ZC2HC1B: variants seen among roughly 807,000 people sequenced by gnomAD.
The protein encoded by ZC2HC1B is zinc finger C2HC-type containing 1B.
A neutral mutation model predicts 31.0 loss-of-function variants in ZC2HC1B; 36 were observed. The ratio of observed to expected loss-of-function variants is 1.16; its 90% CI spans 0.89 to 1.54. The LOEUF (loss-of-function observed/expected upper bound fraction) is 1.54. Among genes scored for constraint, ZC2HC1B ranks in the 40% most tolerant of loss-of-function variants. ZC2HC1B has a pLI of 0.00. For missense variants in ZC2HC1B, 260 were observed against 268.6 expected (o/e 0.97, Z 0.22); for synonymous variants, 73 against 88.0 (o/e 0.83, Z 0.95).
At chr6:143,925,702 A>G (rs1403951015) in intron 6 of ZC2HC1B, among the ~76,000 whole-genome samples, 1 of 151,276 alleles carries the variant, frequency 6.6e-6, no homozygotes, top group Non-Finnish European at 1.5e-5. Context: ...ACACCAGGCT[A>G]ATTTTTTTGT....
chr6:143,900,571 A>G (rs532249496), intron 5 of ZC2HC1B, among the ~76,000 whole-genome samples: 1 of 149,122 alleles, frequency 6.7e-6, no homozygotes, highest in Non-Finnish European at 1.5e-5. Context: ...GTCCTTGATT[A>G]ACAGGTCCTT....
chr6:143,928,317 T>A (rs1196403825), intron 6 of ZC2HC1B, among the ~76,000 whole-genome samples: 2 of 152,188 alleles, frequency 1.3e-5, no homozygotes, highest in Non-Finnish European at 2.9e-5. Flanking sequence ...ATCCAGTTCA[T>A]TCTTTTGCAT....
intron 1 of ZC2HC1B, among the ~76,000 whole-genome samples, chr6:143,877,485 G>A (rs1441601609): frequency 2.0e-5 from 3 of 149,048 alleles, no homozygotes; most frequent in African/African-American, 7.5e-5. Flanking sequence ...GTTTCTCCAT[G>A]TTGGTCAGGC....
rs1443452719 is a variant in ZC2HC1B, at chr6:143,892,445, G to A, written c.349+5624G>A. Among the ~76,000 whole-genome samples, 4 of 151,958 alleles carry A rather than the reference G, an allele frequency of 2.6e-5. 1 individual carries two copies. On this transcript the variant is annotated intron_variant, in intron 4 of 7. Coordinates refer to ENST00000237275, the MANE Select transcript of ZC2HC1B (RefSeq NM_001013623.3). The stretch of plus-strand genomic sequence containing the variant: ...TGAGTAGCTGGGACCACAGATGTAT[G>A]CCACTGTGCCTGGCTAATTTTTTTG...
At chr6:143,874,045 T>A (rs9496789) in intron 1 of ZC2HC1B, among the ~76,000 whole-genome samples, 1 of 152,176 alleles carries the variant, frequency 6.6e-6, no homozygotes, top group African/African-American at 2.4e-5. Context: ...AAATGGAATA[T>A]TTTTAACAGC....
chr6:143,898,259 G>A (rs1409948477), intron 4 of ZC2HC1B, among the ~76,000 whole-genome samples: 1 of 152,066 alleles, frequency 6.6e-6, no homozygotes, highest in Non-Finnish European at 1.5e-5. Context: ...ACAGCTGACT[G>A]CAGCCTTGAC....
chr6:143,873,523 C>T (rs779698602), intron 1 of ZC2HC1B, among the ~76,000 whole-genome samples: 4 of 152,248 alleles, frequency 2.6e-5, no homozygotes, highest in Non-Finnish European at 5.9e-5. Context: ...AGAGGTTCTC[C>T]ATGAGGACCC....
chr6:143,919,420 T>A (rs1777962001), intron 6 of ZC2HC1B, among the ~76,000 whole-genome samples: 2 of 152,270 alleles, frequency 1.3e-5, no homozygotes, highest in South Asian at 4.1e-4. Flanking sequence ...GTTTTTAATG[T>A]CTAGTTTCCA....
At position 143,870,498 on chromosome 6, in the gene ZC2HC1B, T is replaced by G. The variant is rs1463636033; in HGVS notation, c.28+5931T>G. On this transcript the variant is annotated intron_variant, in intron 1 of 7. Transcript: ENST00000237275. The surrounding 1 kb of genome is among the most constrained non-coding windows in gnomAD (Gnocchi z 4.7). ...TTCCTCATGTAACTTACTTGTGCCT[T>G]TAGGACCTGCTTGAGTCCAATCATG... Among the ~76,000 whole-genome samples, 1 of 152,146 alleles carries G rather than the reference T, an allele frequency of 6.6e-6. No individual in the cohort carries two copies. Among genetic ancestry groups the G allele is most frequent in the Non-Finnish European group, 1.5e-5 (1 of 68,022 alleles).
chr6:143,898,095 T>C (rs1777689912), intron 4 of ZC2HC1B, among the ~76,000 whole-genome samples: 1 of 152,262 alleles, frequency 6.6e-6, no homozygotes, highest in Non-Finnish European at 1.5e-5. Flanking sequence ...GAGCCCTGCA[T>C]GTCTTGCCCT....
chr6:143,932,863 G>C (rs191181680), intron 6 of ZC2HC1B, among the ~76,000 whole-genome samples: 1 of 152,290 alleles, frequency 6.6e-6, no homozygotes, highest in East Asian at 1.9e-4. Context: ...CCCTTGATGT[G>C]GTACCCTCCC....
intron 1 of ZC2HC1B, among the ~76,000 whole-genome samples, chr6:143,875,335 TCCACC>T (rs1777392835): frequency 2.0e-5 from 3 of 151,396 alleles, no homozygotes; most frequent in Non-Finnish European, 4.4e-5. Flanking sequence ...ACTAATCCAC[TCCACC>T]ATCATTATGC....
intron 1 of ZC2HC1B, among the ~76,000 whole-genome samples, chr6:143,874,867 C>A (rs1377107530): frequency 6.6e-6 from 1 of 152,110 alleles, no homozygotes; most frequent in Non-Finnish European, 1.5e-5. Flanking sequence ...AGGTCTCTTT[C>A]TGTTACCCAG....
chr6:143,900,956 A>G (rs9484825), intron 5 of ZC2HC1B, among the ~76,000 whole-genome samples: 6,542 of 152,012 alleles, frequency 0.043, 367 homozygotes, highest in African/African-American at 0.12. Context: ...CTCCGGCCTC[A>G]GCCTCCCAAG....
Position 143,884,370 on chromosome 6 carries a change from A to G in ZC2HC1B, c.90+5A>G. Reference sequence around the variant, plus strand: ...CGTTTTGCAGCAGATGTTCTGGTAAACATAAAGACATTTTGTAGATGTGTT... The same window carrying G: ...CGTTTTGCAGCAGATGTTCTGGTAAGCATAAAGACATTTTGTAGATGTGTT... On this transcript the variant is annotated splice_donor_5th_base_variant and intron_variant, in intron 2 of 7. Coordinates refer to ENST00000237275, the MANE Select transcript of ZC2HC1B (RefSeq NM_001013623.3). The surrounding 1 kb of genome is among the most constrained non-coding windows in gnomAD (Gnocchi z 5.1). 1 of 1,533,640 alleles carries G rather than the reference A, an allele frequency of 6.5e-7. No homozygotes were observed. Among genetic ancestry groups the G allele is most frequent in the Non-Finnish European group, 8.8e-7 (1 of 1,133,390 alleles).
intron 1 of ZC2HC1B, among the ~76,000 whole-genome samples, chr6:143,880,967 T>C (rs1030071411): frequency 2.6e-5 from 4 of 152,142 alleles, no homozygotes; most frequent in Admixed American, 6.6e-5. Flanking sequence ...ATATGGTGTG[T>C]TCAGAGTCTG....
chr6:143,921,085 C>G lies in ZC2HC1B; in HGVS notation c.599-16564C>G, dbSNP rs148197274. Among the ~76,000 whole-genome samples, 1,161 of 152,244 alleles carry G rather than the reference C, an allele frequency of 7.6e-3. 19 individuals are homozygous for G. The highest frequency in any genetic ancestry group is 0.027 in the African/African-American group (1,122 of 41,544). ...GTTCCTTGACCATAGCAGCCATACA[C>G]ACTCCTGTCTCATGACCTTTGTACT... On this transcript the variant is annotated intron_variant, in intron 6 of 7. Coordinates refer to ENST00000237275, the MANE Select transcript of ZC2HC1B (RefSeq NM_001013623.3). The surrounding 1 kb of genome is among the most constrained non-coding windows in gnomAD (Gnocchi z 6.1).
At chr6:143,881,749 A>G (rs1777471336) in intron 1 of ZC2HC1B, 1 of 152,104 alleles carries the variant, frequency 6.6e-6, no homozygotes, top group South Asian at 2.1e-4. Context: ...ACTGCAGACC[A>G]CATTGATCTC....
At chr6:143,866,539 T>C (rs189961140) in intron 1 of ZC2HC1B, among the ~76,000 whole-genome samples, 18 of 152,374 alleles carry the variant, frequency 1.2e-4, no homozygotes, top group Admixed American at 1.0e-3. Flanking sequence ...GAGGACTGTC[T>C]GTTACTTTAC....
Sources: gnomAD v4.1 joint callset for allele counts (sites outside exome capture counted in the v4.1 genomes callset) on GRCh38, gnomAD v4.1.1 for gene constraint, Gnocchi (gnomAD v3.1) non-coding constraint, MANE v1.5 for transcripts, NCBI Gene and HGNC (gene_info 2026-07-23, HGNC 2026-07-21) for gene names.